RNF123: variants seen among roughly 807,000 people sequenced by gnomAD.
The protein encoded by RNF123 is ring finger protein 123.
RNF123 carries 86 observed loss-of-function variants against 168.5 expected under a neutral mutation model. The observed-to-expected ratio is 0.51, with a 90% CI of 0.43 to 0.61. The LOEUF is 0.61. RNF123 is among the 20% of genes least tolerant of loss of function. The probability of loss-of-function intolerance (pLI) is 0.00; values close to 1 mark genes in which losing one functional copy is unlikely to be tolerated. For missense variants in RNF123, 1,419 were observed against 1,729.7 expected (o/e 0.82, Z 3.19); for synonymous variants, 666 against 689.1 (o/e 0.97, Z 0.52).
chr3:49,714,141 A>G lies in RNF123; in HGVS notation c.2977A>G (p.Lys993Glu). ...ACGGCTGCCACATCTGCTGAAAACC[A>G]AACTTGAGGACGCCAATTTGCCCAG... is the stretch of plus-strand genomic sequence containing the variant. Reference protein sequence around the residue: ...YTRLPHLLKTKLEDANLPSLQ... With the variant: ...YTRLPHLLKTELEDANLPSLQ... Residue 993 changes from lysine (K) to glutamate (E), a missense_variant, in exon 31 of 39, where the codon AAA becomes GAA. This residue lies in a region of RNF123 where 538 missense variants were observed against 708.8 expected (regional missense o/e 0.76). Transcript: ENST00000327697. The G allele has an allele frequency of 6.2e-7, 1 of 1,614,120 alleles. No individual in the cohort carries two copies. Among genetic ancestry groups the G allele is most frequent in the Non-Finnish European group, 8.5e-7 (1 of 1,180,030 alleles).
At chr3:49,702,058 G>A in intron 17 of RNF123, 25 bp from the exon 18 acceptor site, 1 of 1,611,614 alleles carries the variant, frequency 6.2e-7, no homozygotes, top group Non-Finnish European at 8.5e-7. Context: ...GAGCCTGAGG[G>A]CCATGTTCCT....
intron 3 of RNF123, among the ~76,000 whole-genome samples, chr3:49,693,075 G>A (rs537445827): frequency 6.7e-6 from 1 of 150,278 alleles, no homozygotes; most frequent in South Asian, 2.1e-4. Flanking sequence ...TTGAGACGGA[G>A]TCTTGCTCTG....
chr3:49,703,478 ACCTGCAGCG>A lies in RNF123; in HGVS notation c.1807_1815del (p.Gln603_Leu605del). 1 of 1,613,776 alleles carries A rather than the reference ACCTGCAGCG, an allele frequency of 6.2e-7. No homozygotes were observed. The highest frequency in any genetic ancestry group is 1.1e-5 in the South Asian group (1 of 91,056). ...TATAATGGCAAGGTGGACTACTTTG[ACCTGCAGCG>A]CCTGGGGGGCCTCCTCTCGCACCTG... On this transcript the variant is annotated inframe_deletion, in exon 21 of 39. Transcript: ENST00000327697.
rs753818534 is a variant in RNF123, at chr3:49,698,838, C to T, written c.638+16C>T. On this transcript the variant is annotated intron_variant, in intron 9 of 38. Coordinates refer to ENST00000327697, the MANE Select transcript of RNF123 (RefSeq NM_022064.5). ...CCTTCTGCCTGTGAGTTTCCTATCTCTATGCACAGGCCTGGCCCCTGGGGC... is the reference window on the plus strand; with the variant it reads ...CCTTCTGCCTGTGAGTTTCCTATCTTTATGCACAGGCCTGGCCCCTGGGGC... 6.2e-7 allele frequency: 1 copy of T among 1,613,624 alleles called. No homozygotes were observed. The highest frequency in any genetic ancestry group is 8.5e-7 in the Non-Finnish European group (1 of 1,179,734).
At chr3:49,713,616 G>A in intron 28 of RNF123, 29 bp downstream of exon 28, 1 of 1,603,778 alleles carries the variant, frequency 6.2e-7, no homozygotes, top group South Asian at 1.1e-5. Context: ...GGGTACAGGG[G>A]GAGGGGGATG....
intron 35 of RNF123, chr3:49,717,107 C>T (rs2080263077): frequency 6.5e-6 from 1 of 153,120 alleles, no homozygotes; most frequent in African/African-American, 2.4e-5. Context: ...CCATGCTCGC[C>T]AGGCTTTTCG....
Position 49,697,234 on chromosome 3 carries a change from C to A in RNF123, c.247+12C>A. On this transcript the variant is annotated intron_variant, in intron 4 of 38. Transcript: ENST00000327697. ...GGAGGAAAGCCAGGGTATGTGGCCA[C>A]CTCTGGAGTGGGGTTGGGAGGTGCA... The A allele has an allele frequency of 6.2e-7, 1 of 1,612,680 alleles. No individual in the cohort carries two copies. The highest frequency in any genetic ancestry group is 1.1e-5 in the South Asian group (1 of 91,024).
In RNF123 at chr3:49,702,655, CT is replaced by C. The variant is rs768890942; in HGVS notation, c.1653del (p.Glu552SerfsTer10). 1.2e-6 allele frequency: 2 copies of C among 1,614,260 alleles called. No homozygotes were observed. The highest frequency in any genetic ancestry group is 1.7e-6 in the Non-Finnish European group (2 of 1,180,034). On this transcript the variant is annotated frameshift_variant, in exon 20 of 39. Transcript: ENST00000327697. LOFTEE classifies it high-confidence loss of function. ...GRGNMPMLCP[P>X]EYMVCFLHRL... ...CAGAACATGCCCATGCTCTGCCCCC[CT>C]GAGTACATGGTCTGCTTCTTACACC...
chr3:49,715,638 T>G lies in RNF123; in HGVS notation c.3074T>G (p.Val1025Gly). Residue 1025 changes from valine (V) to glycine (G), a missense_variant, in exon 32 of 39, where the codon GTG becomes GGG. Transcript: ENST00000327697. ...MADLLQQGPD[V>G]APSFLNSVLN... Reference sequence around the variant, plus strand: ...GACCTCCTACAGCAGGGTCCTGATGTGGCACCCAGCTTCCTCAACAGCGTC... The same window carrying G: ...GACCTCCTACAGCAGGGTCCTGATGGGGCACCCAGCTTCCTCAACAGCGTC... The G allele has an allele frequency of 6.2e-6, 10 of 1,614,206 alleles. No homozygotes were observed. The highest frequency in any genetic ancestry group is 8.5e-6 in the Non-Finnish European group (10 of 1,180,034).
rs1370107917 is a variant in RNF123, at chr3:49,714,112, A to G, written c.2948A>G (p.Tyr983Cys). The part of the protein sequence containing the change: ...LWRGCGFGYR[Y>C]TRLPHLLKTK... ...CAGGGCTGTGGCTTCGGGTACCGCT[A>G]TACACGGCTGCCACATCTGCTGAAA... The change falls in exon 31 of 39, where the codon TAT (tyrosine) becomes TGT (cysteine). Residue 983 changes from tyrosine (Y) to cysteine (C), a missense_variant. By Grantham distance (194) the Tyr-to-Cys change is radical. Around this residue, in one of 5 missense-constraint regions of RNF123, gnomAD observed 538 missense variants for 708.8 expected, o/e 0.76. Transcript: ENST00000327697. 1 of 1,614,038 alleles carries G rather than the reference A, an allele frequency of 6.2e-7. No homozygotes were observed. Among genetic ancestry groups the G allele is most frequent in the East Asian group, 2.2e-5 (1 of 44,878 alleles).
intron 3 of RNF123, among the ~76,000 whole-genome samples, chr3:49,694,169 T>G (rs1431891564): frequency 2.6e-5 from 4 of 152,338 alleles, no homozygotes; most frequent in South Asian, 2.1e-4. Flanking sequence ...TTAAAAAAAT[T>G]TATCACCTTC....
chr3:49,705,270 A>C, intron 23 of RNF123, 88 bp downstream of exon 23: 4 of 1,440,944 alleles, frequency 2.8e-6, no homozygotes, highest in African/African-American at 1.4e-5. Context: ...AATACACCCC[A>C]TGCCCTCCCA....
chr3:49,704,101 G>A (rs908399584), intron 21 of RNF123, among the ~76,000 whole-genome samples: 1 of 152,200 alleles, frequency 6.6e-6, no homozygotes, highest in African/African-American at 2.4e-5. Context: ...GGCTGCAGGA[G>A]GTGGTGGAGA....
chr3:49,700,192 G>A (rs750655381), intron 12 of RNF123, 35 bp from the exon 13 acceptor site: 2 of 1,612,178 alleles, frequency 1.2e-6, no homozygotes, highest in Non-Finnish European at 1.7e-6. Context: ...CAGAGTGGAA[G>A]GCCACCACCT....
chr3:49,712,742 C>G, intron 27 of RNF123, 86 bp downstream of exon 27: 1 of 1,457,896 alleles, frequency 6.9e-7, no homozygotes, highest in Non-Finnish European at 9.6e-7. Flanking sequence ...ACCTCTGTGG[C>G]CCAGCAACAC....
intron 3 of RNF123, among the ~76,000 whole-genome samples, chr3:49,692,667 C>T (rs1328429189): frequency 6.6e-6 from 1 of 152,184 alleles, no homozygotes; most frequent in Non-Finnish European, 1.5e-5. Flanking sequence ...AGTACTTTGC[C>T]TCTATGAGTT....
At chr3:49,718,224 G>A (rs767863279) in intron 35 of RNF123, 1 of 1,611,984 alleles carries the variant, frequency 6.2e-7, no homozygotes, top group South Asian at 1.1e-5. Flanking sequence ...GGCGGCAGCG[G>A]CAGGCACGGC....
intron 35 of RNF123, chr3:49,719,041 T>C (rs1393485488): frequency 4.3e-6 from 7 of 1,613,860 alleles, no homozygotes; most frequent in Middle Eastern, 1.6e-4. Context: ...CAAGCGGTTA[T>C]TGAACAGAAG....
rs565233253 is a variant in RNF123 at position 49,721,325 on chromosome 3, C to G, written c.*20C>G. 1 of 1,614,132 alleles carries G rather than the reference C, an allele frequency of 6.2e-7. No individual in the cohort carries two copies. The highest frequency in any genetic ancestry group is 8.5e-7 in the Non-Finnish European group (1 of 1,180,016). On this transcript the variant is annotated 3_prime_UTR_variant, in exon 39 of 39. Transcript: ENST00000327697. ...GCCTAGCCCTCACAGCCTGTGCCAT[C>G]CTGGAACCTCCACCTTTGAACCCAG...
Sources: allele counts gnomAD v4.1 joint callset (sites outside exome capture counted in the v4.1 genomes callset), GRCh38; gene constraint gnomAD v4.1.1; regional missense constraint gnomAD v4.1.1; transcripts MANE v1.5; gene names NCBI Gene and HGNC (gene_info 2026-07-23, HGNC 2026-07-21).